Variants in DENND4B observed in about 807,000 individuals in gnomAD.
The protein encoded by DENND4B is DENN domain containing 4B.
In DENND4B, 67 loss-of-function variants were observed where a neutral mutation model predicts 161.0. The observed-to-expected ratio is 0.42, with a 90% CI of 0.34 to 0.51. DENND4B has a LOEUF of 0.51. Among genes scored for constraint, DENND4B ranks in the 20% least tolerant of loss-of-function variants. DENND4B has a pLI of 0.08. For missense variants in DENND4B, 1,481 were observed against 1,968.0 expected, an observed-to-expected ratio of 0.75 and a Z score of 4.68; for synonymous variants, 753 against 813.8, an observed-to-expected ratio of 0.93 and a Z score of 1.27.
Position 153,940,567 on chromosome 1 carries a change from G to T in DENND4B, c.1366C>A (p.Leu456Met). ...PLHWQCPYIPLCPLVLADVLS... is the reference protein window; with the variant it reads ...PLHWQCPYIPMCPLVLADVLS... ...ACATCTGCCAGCACCAGCGGGCACA[G>T]AGGAATGTAGGGGCACTGCCAGTGC... The change falls in exon 10 of 28, where the codon CTG (leucine) becomes ATG (methionine). Residue 456 changes from leucine (L) to methionine (M), a missense_variant. Transcript: ENST00000361217. The surrounding 1 kb of genome is among the most constrained non-coding windows in gnomAD (Gnocchi z 5.6). The T allele has an allele frequency of 6.2e-7, 1 of 1,613,556 alleles. No individual in the cohort carries two copies. The highest frequency in any genetic ancestry group is 8.5e-7 in the Non-Finnish European group (1 of 1,179,716).
Position 153,940,740 on chromosome 1 carries a change from G to A in DENND4B, c.1327-134C>T, listed in dbSNP as rs986838605. The stretch of plus-strand genomic sequence containing the variant: ...GAGAGGCTGTTGGAAGTAGGCTCTA[G>A]AGAAGAGCTCCTGATGGAAGCTATG... On this transcript the variant is annotated intron_variant, in intron 9 of 27. Transcript: ENST00000361217. The surrounding 1 kb of genome is among the most constrained non-coding windows in gnomAD (Gnocchi z 5.6). 1 of 1,440,012 alleles carries A rather than the reference G, an allele frequency of 6.9e-7. No homozygotes were observed. Among genetic ancestry groups the A allele is most frequent in the Admixed American group, 2.2e-5 (1 of 45,302 alleles). The allele number at this position is 1,440,012 out of a possible 1,614,324, so 89.2% of individuals were successfully genotyped here.
Position 153,933,432 on chromosome 1 carries a change from C to G in DENND4B, c.3330+51G>C, listed in dbSNP as rs1472669003. ...TTGAGCATTCTTCCAGTCGTAGCCC[C>G]TCCCCAAGCCCACTAATGCTAAGGC... On this transcript the variant is annotated intron_variant, in intron 20 of 27. Coordinates refer to ENST00000361217, the MANE Select transcript of DENND4B (RefSeq NM_014856.3). The surrounding 1 kb of genome is among the most constrained non-coding windows in gnomAD (Gnocchi z 5.7). 3.1e-6 allele frequency: 5 copies of G among 1,594,816 alleles called. No individual in the cohort carries two copies. Among genetic ancestry groups the G allele is most frequent in the Non-Finnish European group, 4.3e-6 (5 of 1,170,662 alleles).
chr1:153,934,875 CT>C lies in DENND4B; in HGVS notation c.2657del (p.Gln886ArgfsTer6). The C allele has an allele frequency of 6.2e-7, 1 of 1,613,726 alleles. No individual in the cohort carries two copies. Among genetic ancestry groups the C allele is most frequent in the Non-Finnish European group, 8.5e-7 (1 of 1,179,896 alleles). Reference protein sequence around the residue: ...KLRNVVLGAAQFRQPLRERQQ... With the variant: ...KLRNVVLGAAXFRQPLRERQQ... ...GCCGTTCTCTCAAGGGCTGGCGGAA[CT>C]GAGCAGCCCCCAGGACAACATTCCG... On this transcript the variant is annotated frameshift_variant, in exon 18 of 28. Coordinates refer to ENST00000361217, the MANE Select transcript of DENND4B (RefSeq NM_014856.3). LOFTEE classifies it high-confidence loss of function. This position sits in a 1 kb window ranked among gnomAD's most constrained non-coding sequence, Gnocchi z 5.3.
chr1:153,946,640 C>T lies in DENND4B; in HGVS notation c.-363G>A. On this transcript the variant is annotated 5_prime_UTR_variant, in exon 1 of 28. Transcript: ENST00000361217. This position sits in a 1 kb window ranked among gnomAD's most constrained non-coding sequence, Gnocchi z 6.3. Reference sequence around the variant, plus strand: ...CGCCCCGCTTTCTCTACTCCCCCAACCCCCGCTCCGGGCCGCGGGCGCCGC... The same window carrying T: ...CGCCCCGCTTTCTCTACTCCCCCAATCCCCGCTCCGGGCCGCGGGCGCCGC... 2.6e-6 allele frequency: 1 copy of T among 383,412 alleles called. No homozygotes were observed. Among genetic ancestry groups the T allele is most frequent in the Non-Finnish European group, 4.6e-6 (1 of 216,422 alleles). The allele number at this position is 383,412 out of a possible 1,614,324, so 23.8% of individuals were successfully genotyped here.
In DENND4B at chr1:153,930,197, C is replaced by G; in HGVS notation, c.*100G>C. 7.0e-7 allele frequency: 1 copy of G among 1,437,438 alleles called. No individual in the cohort carries two copies. The highest frequency in any genetic ancestry group is 1.4e-5 in the African/African-American group (1 of 70,390). The allele number at this position is 1,437,438 out of a possible 1,614,324, so 89.0% of individuals were successfully genotyped here. A position where few individuals can be genotyped will look rare whatever the true frequency, so the allele number is the denominator to read the frequency against. ...CCTTTGACTGGGCATCCTTCCCAGC[C>G]TGTTCCCAACTCCATGAAGGCAACA... On this transcript the variant is annotated 3_prime_UTR_variant, in exon 28 of 28. Coordinates refer to ENST00000361217, the MANE Select transcript of DENND4B (RefSeq NM_014856.3). The surrounding 1 kb of genome is among the most constrained non-coding windows in gnomAD (Gnocchi z 4.7).
In DENND4B at chr1:153,930,169, G is replaced by C. The variant is rs1041346172; in HGVS notation, c.*128C>G. On this transcript the variant is annotated 3_prime_UTR_variant, in exon 28 of 28. Coordinates refer to ENST00000361217, the MANE Select transcript of DENND4B (RefSeq NM_014856.3). This position sits in a 1 kb window ranked among gnomAD's most constrained non-coding sequence, Gnocchi z 4.7. ...TCCCTCTTCCTGTTGTCCTCGCTTGGAGCCTTTGACTGGGCATCCTTCCCA... is the reference window on the plus strand; with the variant it reads ...TCCCTCTTCCTGTTGTCCTCGCTTGCAGCCTTTGACTGGGCATCCTTCCCA... 2.4e-5 allele frequency: 30 copies of C among 1,265,570 alleles called. No individual in the cohort carries two copies. Among genetic ancestry groups the C allele is most frequent in the Non-Finnish European group, 3.1e-5 (29 of 938,124 alleles). The allele number at this position is 1,265,570 out of a possible 1,614,324, so 78.4% of individuals were successfully genotyped here.
intron 11 of DENND4B, 53 bp from the exon 12 acceptor site, chr1:153,939,857 C>A: frequency 1.3e-6 from 2 of 1,554,706 alleles, no homozygotes; most frequent in Admixed American, 1.8e-5. Flanking sequence ...GTGTTACCCT[C>A]AACTCTGCTC....
At position 153,934,812 on chromosome 1, in the gene DENND4B, CTGCTGCTGCTGCTGCTGT is replaced by C. The variant is rs758223820; in HGVS notation, c.2703_2720del (p.Gln905_Gln910del). 254 of 1,242,396 alleles carry C rather than the reference CTGCTGCTGCTGCTGCTGT, an allele frequency of 2.0e-4. 1 individual carries two copies. Among genetic ancestry groups the C allele is most frequent in the South Asian group, 5.8e-4 (43 of 74,116 alleles). 77.0% of individuals were successfully genotyped at this position (1,242,396 alleles called of 1,614,324 possible). A position where few individuals can be genotyped will look rare whatever the true frequency, so the allele number is the denominator to read the frequency against. ...GTGCTGACACCTGCTCCTGCTGCTGCTGCTGCTGCTGCTGCTGTTGCTGCTGCTGCTGCTGTTGCCGTT... is the reference window on the plus strand; with the variant it reads ...GTGCTGACACCTGCTCCTGCTGCTGCTGCTGCTGCTGCTGCTGTTGCCGTT... On this transcript the variant is annotated inframe_deletion, in exon 18 of 28. Coordinates refer to ENST00000361217, the MANE Select transcript of DENND4B (RefSeq NM_014856.3). This position sits in a 1 kb window ranked among gnomAD's most constrained non-coding sequence, Gnocchi z 5.3.
intron 11 of DENND4B, 66 bp from the exon 12 acceptor site, chr1:153,939,870 A>G: frequency 6.7e-7 from 1 of 1,499,238 alleles, no homozygotes; most frequent in Non-Finnish European, 9.1e-7. Flanking sequence ...CTCTGCTCTC[A>G]TGCCTCCATC....
rs1169267553 is a variant in DENND4B at position 153,932,392 on chromosome 1, G to A, written c.3808C>T (p.Leu1270=). The A allele has an allele frequency of 1.9e-6, 3 of 1,613,322 alleles. No individual in the cohort carries two copies. The African/African-American group carries it at 4.0e-5, about 22-fold the overall frequency. Residue 1270 remains leucine, a synonymous_variant, in exon 24 of 28, where the codon CTG becomes TTG. Coordinates refer to ENST00000361217, the MANE Select transcript of DENND4B (RefSeq NM_014856.3). The surrounding 1 kb of genome is among the most constrained non-coding windows in gnomAD (Gnocchi z 5.8). The part of the protein sequence containing the change: ...ESGAWAYLSP[L]VLRKELESLV... Reference sequence around the variant, plus strand: ...GACTCCAGCTCCTTACGCAGCACCAGGGGGCTCAGGTATGCCCATGCCCCA... The same window carrying A: ...GACTCCAGCTCCTTACGCAGCACCAAGGGGCTCAGGTATGCCCATGCCCCA...
At position 153,944,267 on chromosome 1, in the gene DENND4B, C is replaced by T; in HGVS notation, c.108G>A (p.Gly36=). The T allele has an allele frequency of 6.2e-7, 1 of 1,601,358 alleles. No individual in the cohort carries two copies. The highest frequency in any genetic ancestry group is 8.5e-7 in the Non-Finnish European group (1 of 1,172,946). Residue 36 remains glycine (G), a synonymous_variant, in exon 2 of 28, where the codon GGG becomes GGA. Transcript: ENST00000361217. This position sits in a 1 kb window ranked among gnomAD's most constrained non-coding sequence, Gnocchi z 4.8. ...CAGCTGGCCGGGGAGGGCGCAGGGG[C>T]CCACTGGGTTCAGGAACCCACGTTT... ...PEETWVPEPS[G]PLRPPRPAEP... is the part of the protein sequence containing the mutation.
chr1:153,940,138 C>G lies in DENND4B; in HGVS notation c.1603+18G>C, dbSNP rs1030702680. The G allele has an allele frequency of 6.5e-7, 1 of 1,542,172 alleles. No homozygotes were observed. Among genetic ancestry groups the G allele is most frequent in the Non-Finnish European group, 8.7e-7 (1 of 1,146,486 alleles). Reference sequence around the variant, plus strand: ...GCAATGACAGTTCCCAGCCTCCCTCCCCACCCAGGCTTCTCACTCTGGTCC... The same window carrying G: ...GCAATGACAGTTCCCAGCCTCCCTCGCCACCCAGGCTTCTCACTCTGGTCC... On this transcript the variant is annotated intron_variant, in intron 11 of 27. Transcript: ENST00000361217. This position sits in a 1 kb window ranked among gnomAD's most constrained non-coding sequence, Gnocchi z 5.6.
intron 17 of DENND4B, chr1:153,935,261 G>A: frequency 2.4e-6 from 1 of 423,192 alleles, no homozygotes. Context: ...TTGGTCATTA[G>A]TCTCCTCATC....
In DENND4B at chr1:153,933,984, CATG is replaced by C; in HGVS notation, c.2942-116_2942-114del. 3 of 1,508,448 alleles carry C rather than the reference CATG, an allele frequency of 2.0e-6. No individual in the cohort carries two copies. The highest frequency in any genetic ancestry group is 2.4e-5 in the East Asian group (1 of 41,444). 93.4% of individuals were successfully genotyped at this position (1,508,448 alleles called of 1,614,324 possible). ...CAAACTCTGGTGCCACCACCCCCAC[CATG>C]ATGATATTCTGGGCGAGATTCCCTC... On this transcript the variant is annotated intron_variant, in intron 19 of 27. Transcript: ENST00000361217. This position sits in a 1 kb window ranked among gnomAD's most constrained non-coding sequence, Gnocchi z 5.7.
chr1:153,935,154 GC>G, intron 17 of DENND4B, 190 bp from the exon 18 acceptor site: 1 of 1,184,278 alleles, frequency 8.4e-7, no homozygotes, highest in South Asian at 1.7e-5. Flanking sequence ...CTCCCAAGGG[GC>G]CTAGAAGAAC....
At position 153,936,813 on chromosome 1, in the gene DENND4B, T is replaced by C; in HGVS notation, c.2233-65A>G. The C allele has an allele frequency of 7.3e-7, 1 of 1,378,688 alleles. No homozygotes were observed. The highest frequency in any genetic ancestry group is 1.6e-5 in the South Asian group (1 of 63,146). 85.4% of individuals were successfully genotyped at this position (1,378,688 alleles called of 1,614,324 possible). ...CAGGTCTTTCTTACTTATCTATTTA[T>C]TTATTTATTTATGACGGTCTCGCTC... On this transcript the variant is annotated intron_variant, in intron 15 of 27. Transcript: ENST00000361217. This position sits in a 1 kb window ranked among gnomAD's most constrained non-coding sequence, Gnocchi z 4.1.
intron 2 of DENND4B, among the ~76,000 whole-genome samples, 186 bp downstream of exon 2, chr1:153,943,872 G>A (rs1283323517): frequency 1.3e-5 from 2 of 152,094 alleles, no homozygotes; most frequent in African/African-American, 4.8e-5. Flanking sequence ...GCAAGGAGCA[G>A]CACTAGCACA....
intron 13 of DENND4B, 107 bp downstream of exon 13, chr1:153,938,793 G>C: frequency 3.8e-6 from 4 of 1,051,388 alleles, no homozygotes; most frequent in East Asian, 2.6e-5. Flanking sequence ...GGGGTCTACA[G>C]CCATACCACC....
In DENND4B at chr1:153,929,994, C is replaced by T. The variant is rs1571024620; in HGVS notation, c.*303G>A. On this transcript the variant is annotated 3_prime_UTR_variant, in exon 28 of 28. Transcript: ENST00000361217. ...AACTTCTAAAATGACCAGGGCAATG[C>T]AGATCTGTGGGTACCCTGGAGGGGA... 2.7e-6 allele frequency: 1 copy of T among 373,468 alleles called. No individual in the cohort carries two copies. The highest frequency in any genetic ancestry group is 4.2e-5 in the Admixed American group (1 of 23,590). 23.1% of individuals were successfully genotyped at this position (373,468 alleles called of 1,614,324 possible). A position where few individuals can be genotyped will look rare whatever the true frequency, so the allele number is the denominator to read the frequency against.
Sources: allele counts gnomAD v4.1 joint callset (sites outside exome capture counted in the v4.1 genomes callset), GRCh38; gene constraint gnomAD v4.1.1; non-coding constraint Gnocchi (gnomAD v3.1); transcripts MANE v1.5; gene names NCBI Gene and HGNC (gene_info 2026-07-23, HGNC 2026-07-21).